MEIKIN: variants seen among roughly 807,000 people sequenced by gnomAD.
MEIKIN encodes the protein meiotic kinetochore factor.
chr5:131,814,088 A>G (rs1015725761), intron 12 of MEIKIN, among the ~76,000 whole-genome samples: 2 of 151,980 alleles, frequency 1.3e-5, no homozygotes, highest in African/African-American at 4.8e-5. Flanking sequence ...CTGATTAGAT[A>G]GATGATGCCC....
At chr5:131,918,684 T>C (rs1751455374) in intron 6 of MEIKIN, among the ~76,000 whole-genome samples, 1 of 152,208 alleles carries the variant, frequency 6.6e-6, no homozygotes, top group Non-Finnish European at 1.5e-5. Context: ...GCCTCCCTGG[T>C]GGTAGATAGA....
intron 9 of MEIKIN, among the ~76,000 whole-genome samples, chr5:131,855,261 G>A (rs1750173772): frequency 6.6e-6 from 1 of 152,086 alleles, no homozygotes; most frequent in African/African-American, 2.4e-5. Context: ...GTTATTTCTG[G>A]AGCTGTGAAA....
At chr5:131,908,901 A>G (rs2149642369) in intron 8 of MEIKIN, among the ~76,000 whole-genome samples, 1 of 152,310 alleles carries the variant, frequency 6.6e-6, no homozygotes, top group Non-Finnish European at 1.5e-5. Context: ...AAAACTATGA[A>G]ACACTGATGC....
chr5:131,879,946 G>A (rs1750677584), intron 8 of MEIKIN, among the ~76,000 whole-genome samples: 1 of 152,020 alleles, frequency 6.6e-6, no homozygotes, highest in South Asian at 2.1e-4. Flanking sequence ...TTGAGATGGA[G>A]TCTCACTCTG....
chr5:131,836,719 G>A (rs1191128752), intron 11 of MEIKIN, among the ~76,000 whole-genome samples: 1 of 149,626 alleles, frequency 6.7e-6, no homozygotes, highest in Non-Finnish European at 1.5e-5. Flanking sequence ...GTCTGTGCAT[G>A]TCCTTCGTCC....
chr5:131,868,783 C>G lies in MEIKIN; in HGVS notation c.774+10195G>C, dbSNP rs569323331. On this transcript the variant is annotated intron_variant, in intron 9 of 12. Transcript: ENST00000442687. The stretch of plus-strand genomic sequence containing the variant: ...TCATGGGCTCAAGTGATCTGCCTGC[C>G]TTGGCCTCCCAAAGTGCCAGGATTA... 6.6e-5 allele frequency among the ~76,000 whole-genome samples: 10 copies of G among 152,044 alleles called. No homozygotes were observed. The East Asian group carries it at 1.9e-3, about 29-fold the overall frequency.
intron 9 of MEIKIN, among the ~76,000 whole-genome samples, chr5:131,876,742 A>G (rs2149627600): frequency 6.6e-6 from 1 of 151,956 alleles, no homozygotes; most frequent in Admixed American, 6.6e-5. Context: ...ACTTGGAACC[A>G]ACCCAAATGT....
At chr5:131,897,399 G>A (rs1177341123) in intron 8 of MEIKIN, among the ~76,000 whole-genome samples, 1 of 152,156 alleles carries the variant, frequency 6.6e-6, no homozygotes, top group Non-Finnish European at 1.5e-5. Flanking sequence ...TCTTTGTGGT[G>A]TTCTCTGTAT....
chr5:131,864,476 G>A (rs1282990539), intron 9 of MEIKIN, among the ~76,000 whole-genome samples: 1 of 152,182 alleles, frequency 6.6e-6, no homozygotes, highest in East Asian at 1.9e-4. Flanking sequence ...CTTCATTGGT[G>A]AAGAACAAAT....
intron 12 of MEIKIN, among the ~76,000 whole-genome samples, chr5:131,807,801 T>G (rs1022583704): frequency 1.3e-5 from 2 of 152,246 alleles, no homozygotes; most frequent in Non-Finnish European, 2.9e-5. Flanking sequence ...ACTGCCACTT[T>G]CATACTATCA....
intron 11 of MEIKIN, among the ~76,000 whole-genome samples, chr5:131,828,811 T>A (rs1469139960): frequency 1.3e-5 from 2 of 152,176 alleles, no homozygotes; most frequent in Non-Finnish European, 2.9e-5. Flanking sequence ...AACAAATATA[T>A]GTTAAAAGTC....
chr5:131,892,087 TG>T (rs1219965113), intron 8 of MEIKIN, among the ~76,000 whole-genome samples: 3 of 152,142 alleles, frequency 2.0e-5, no homozygotes, highest in Non-Finnish European at 4.4e-5. Context: ...AGAGATCAGC[TG>T]TTAGTCTCAT....
intron 11 of MEIKIN, among the ~76,000 whole-genome samples, chr5:131,827,055 G>T (rs2149605306): frequency 6.6e-6 from 1 of 152,096 alleles, no homozygotes; most frequent in East Asian, 1.9e-4. Flanking sequence ...CACAATCATG[G>T]CTTACTGCAG....
At chr5:131,915,988 T>C (rs554034446) in intron 7 of MEIKIN, among the ~76,000 whole-genome samples, 11 of 152,236 alleles carry the variant, frequency 7.2e-5, no homozygotes, top group Admixed American at 6.5e-4. Flanking sequence ...TACAAAGAAG[T>C]TATCGCAATA....
At chr5:131,877,928 C>T (rs1394502193) in intron 9 of MEIKIN, among the ~76,000 whole-genome samples, 3 of 152,154 alleles carry the variant, frequency 2.0e-5, no homozygotes, top group South Asian at 2.1e-4. Flanking sequence ...GTGTGCCATC[C>T]CCCTCAGTCC....
At chr5:131,909,779 C>T (rs896240771) in intron 8 of MEIKIN, among the ~76,000 whole-genome samples, 9 of 152,216 alleles carry the variant, frequency 5.9e-5, no homozygotes, top group Admixed American at 2.6e-4. Context: ...AGACATTTCT[C>T]AAAAGAAGAC....
At chr5:131,917,178 G>A (rs545939455) in intron 6 of MEIKIN, among the ~76,000 whole-genome samples, 24 of 152,022 alleles carry the variant, frequency 1.6e-4, no homozygotes, top group Non-Finnish European at 2.6e-4. Context: ...CTTTTCACGT[G>A]TATTATCTTA....
chr5:131,807,055 T>C lies in MEIKIN; in HGVS notation c.*181A>G, dbSNP rs10058531. ...AAGCATATGGAATAATTTTTTTTCTTAACTGATTAAAAGTAAATGACAAGA... is the reference window on the plus strand; with the variant it reads ...AAGCATATGGAATAATTTTTTTTCTCAACTGATTAAAAGTAAATGACAAGA... On this transcript the variant is annotated 3_prime_UTR_variant, in exon 13 of 13. Coordinates refer to ENST00000442687, the MANE Select transcript of MEIKIN (RefSeq NM_001303622.2). The C allele has an allele frequency of 0.064, 24,847 of 385,268 alleles. 2,365 individuals carry two copies. The highest frequency in any genetic ancestry group is 0.3 in the African/African-American group (14,342 of 48,328). The allele number at this position is 385,268 out of a possible 1,614,324, so 23.9% of individuals were successfully genotyped here.
Position 131,862,598 on chromosome 5 carries a change from T to G in MEIKIN, c.775-7764A>C, listed in dbSNP as rs976627973. On this transcript the variant is annotated intron_variant, in intron 9 of 12. Transcript: ENST00000442687. ...AAATTTACATAAGCACATACTACTT[T>G]TTTGATGTAGGCATTTATTGCTATA... 3.7e-4 allele frequency among the ~76,000 whole-genome samples: 56 copies of G among 152,344 alleles called. 1 individual carries two copies. The highest frequency in any genetic ancestry group is 1.2e-3 in the African/African-American group (48 of 41,584).
Sources: allele counts gnomAD v4.1 joint callset (sites outside exome capture counted in the v4.1 genomes callset), GRCh38; gene constraint gnomAD v4.1.1; transcripts MANE v1.5; gene names NCBI Gene and HGNC (gene_info 2026-07-23, HGNC 2026-07-21).